CCSER2: variants seen among roughly 807,000 people sequenced by gnomAD.
CCSER2 encodes serine-rich coiled-coil domain-containing protein 2.
In CCSER2, 46 loss-of-function variants were observed where a neutral mutation model predicts 92.3. The ratio of observed to expected loss-of-function variants is 0.50; its 90% confidence interval spans 0.39 to 0.64. The LOEUF (loss-of-function observed/expected upper bound fraction) is 0.64, where lower values mean the gene tolerates loss of function less well. Ranked by LOEUF, CCSER2 falls within the 30% of genes least tolerant of loss-of-function variation. The probability of loss-of-function intolerance (pLI) is 0.00; values close to 1 mark genes in which losing one functional copy is unlikely to be tolerated. For synonymous variants in CCSER2, 433 were observed against 431.4 expected (o/e 1.00, Z -0.04); for missense variants, 1,244 against 1,238.9 (o/e 1.00, Z -0.06).
At chr10:84,428,963 GA>G (rs1469513808) in intron 5 of CCSER2, among the ~76,000 whole-genome samples, 1 of 109,218 alleles carries the variant, frequency 9.2e-6, no homozygotes, top group Non-Finnish European at 1.9e-5. Context: ...TTTTGTTGAA[GA>G]TTTTTTTTGT....
intron 3 of CCSER2, among the ~76,000 whole-genome samples, chr10:84,383,641 C>T (rs1182697304): frequency 6.6e-6 from 1 of 152,150 alleles, no homozygotes; most frequent in East Asian, 1.9e-4. Flanking sequence ...TGTGTATTCA[C>T]ATATACTATC....
rs993075760 is a variant in CCSER2 at position 84,517,146 on chromosome 10, A to G, written c.*2879A>G. 1 of 152,218 alleles carries G rather than the reference A, an allele frequency of 6.6e-6. No homozygotes were observed. The highest frequency in any genetic ancestry group is 1.9e-4 in the East Asian group (1 of 5,196). 9.4% of individuals were successfully genotyped at this position (152,218 alleles called of 1,614,324 possible). ...GTATCAATGAAGATAGTTACAGTAT[A>G]TGAATTCTAAGTCCTGAGGAAGAAA... is the stretch of plus-strand genomic sequence containing the variant. On this transcript the variant is annotated 3_prime_UTR_variant, in exon 10 of 10. Transcript: ENST00000372088.
intron 7 of CCSER2, among the ~76,000 whole-genome samples, chr10:84,468,188 T>G (rs1041648036): frequency 1.3e-5 from 2 of 152,220 alleles, no homozygotes; most frequent in Admixed American, 6.5e-5. Flanking sequence ...TTATATTGTA[T>G]GGCACTTAGA....
chr10:84,477,959 A>G (rs2133744880), intron 9 of CCSER2, among the ~76,000 whole-genome samples: 1 of 152,334 alleles, frequency 6.6e-6, no homozygotes, highest in East Asian at 1.9e-4. Flanking sequence ...GTAGTTCCAC[A>G]TGCCTTAAAG....
At chr10:84,443,146 TGGGATCTAATTAAACTAAAG>T (rs1022487359) in intron 6 of CCSER2, among the ~76,000 whole-genome samples, 5 of 151,780 alleles carry the variant, frequency 3.3e-5, no homozygotes, top group Non-Finnish European at 7.4e-5. Flanking sequence ...AATTGACAAA[TGGGATCTAATTAAACTAAAG>T]AACTTCTGCA....
intron 1 of CCSER2, among the ~76,000 whole-genome samples, chr10:84,357,202 A>G (rs1308874315): frequency 6.6e-6 from 1 of 151,566 alleles, no homozygotes. Context: ...ACCATGAAGA[A>G]TGTGTGAAGG....
At chr10:84,509,888 C>T (rs1301626458) in intron 9 of CCSER2, among the ~76,000 whole-genome samples, 1 of 152,168 alleles carries the variant, frequency 6.6e-6, no homozygotes, top group East Asian at 1.9e-4. Flanking sequence ...CCTCATCTTG[C>T]CTGTCCCCTT....
rs751107849 is a variant in CCSER2, at chr10:84,514,280, C to CA, written c.*14dup. The CA allele has an allele frequency of 6.7e-7, 1 of 1,498,914 alleles. No individual in the cohort carries two copies. Among genetic ancestry groups the CA allele is most frequent in the Non-Finnish European group, 8.9e-7 (1 of 1,118,174 alleles). The allele number at this position is 1,498,914 out of a possible 1,614,324, so 92.9% of individuals were successfully genotyped here. A position where few individuals can be genotyped will look rare whatever the true frequency, so the allele number is the denominator to read the frequency against. On this transcript the variant is annotated 3_prime_UTR_variant, in exon 10 of 10. Coordinates refer to ENST00000372088, the MANE Select transcript of CCSER2 (RefSeq NM_001284240.2). ...AAAGATACATTAAGTACATAGCCAT[C>CA]ACCTGCCAATTTGTTTCTTAAAAAC...
intron 3 of CCSER2, among the ~76,000 whole-genome samples, chr10:84,405,350 G>T (rs1441628852): frequency 6.6e-6 from 1 of 152,162 alleles, no homozygotes; most frequent in Admixed American, 6.5e-5. Context: ...TGGTGTAATT[G>T]TGAAGTGTAA....
intron 3 of CCSER2, among the ~76,000 whole-genome samples, chr10:84,413,603 A>G (rs997325256): frequency 6.6e-6 from 1 of 152,160 alleles, no homozygotes; most frequent in Non-Finnish European, 1.5e-5. Context: ...TGGCCATGAG[A>G]AGAAATGCAT....
At chr10:84,486,938 A>G (rs1460553809) in intron 9 of CCSER2, among the ~76,000 whole-genome samples, 3 of 152,162 alleles carry the variant, frequency 2.0e-5, no homozygotes, top group Admixed American at 2.0e-4. Flanking sequence ...TAAGGAAGGG[A>G]TCCAGTTTCA....
chr10:84,389,022 C>T (rs994432689), intron 3 of CCSER2: 4 of 249,770 alleles, frequency 1.6e-5, no homozygotes, highest in Admixed American at 5.5e-5. Context: ...AATAACCATT[C>T]GCATCATAAA....
intron 1 of CCSER2, among the ~76,000 whole-genome samples, chr10:84,337,475 G>A (rs946476712): frequency 1.2e-4 from 18 of 152,322 alleles, no homozygotes; most frequent in African/African-American, 4.3e-4. Flanking sequence ...TTCTGGTTTA[G>A]TGGTGGAAGT....
intron 6 of CCSER2, among the ~76,000 whole-genome samples, chr10:84,459,228 G>C (rs1386346773): frequency 6.6e-6 from 1 of 152,124 alleles, no homozygotes; most frequent in East Asian, 1.9e-4. Flanking sequence ...GGGTGTTCTT[G>C]AATTCCTGAC....
intron 1 of CCSER2, among the ~76,000 whole-genome samples, chr10:84,345,223 C>T (rs1239255386): frequency 1.3e-5 from 2 of 152,080 alleles, no homozygotes; most frequent in Admixed American, 6.6e-5. Flanking sequence ...GAGGACAGGA[C>T]GGGTTTGAGA....
rs755556458 is a variant in CCSER2 at position 84,513,569 on chromosome 10, G to A, written c.2446G>A (p.Gly816Ser). Residue 816 changes from glycine (G) to serine (S), a missense_variant, in exon 10 of 10, where the codon GGC becomes AGC. Physicochemically the swap from Gly to Ser is moderately conservative, Grantham distance 56 (BLOSUM62 0). Transcript: ENST00000372088. ...SECSIQDMHQ[G>S]GAHPEESFTH... ...ATGCTCAATCCAAGACATGCATCAG[G>A]GCGGTGCACATCCGGAAGAAAGCTT... is the stretch of plus-strand genomic sequence containing the variant. 6.2e-7 allele frequency: 1 copy of A among 1,613,926 alleles called. No homozygotes were observed. Among genetic ancestry groups the A allele is most frequent in the South Asian group, 1.1e-5 (1 of 91,070 alleles).
At chr10:84,343,460 G>A (rs1485907907) in intron 1 of CCSER2, among the ~76,000 whole-genome samples, 2 of 152,226 alleles carry the variant, frequency 1.3e-5, no homozygotes, top group Admixed American at 1.3e-4. Flanking sequence ...CTGGTCCTGG[G>A]TATTATACAA....
At chr10:84,504,691 G>C (rs1848952856) in intron 9 of CCSER2, among the ~76,000 whole-genome samples, 1 of 152,106 alleles carries the variant, frequency 6.6e-6, no homozygotes, top group African/African-American at 2.4e-5. Context: ...TTTTAAGAAA[G>C]GGGAAAAGAC....
rs146885202 is a variant in CCSER2, at chr10:84,356,227, G to C, written c.-39-14787G>C. On this transcript the variant is annotated intron_variant, in intron 1 of 9. Transcript: ENST00000372088. ...TCCTAAGCACAATGAGATATTTGATGGTTATTATAATTAATTCATAGAGGC... is the reference window on the plus strand; with the variant it reads ...TCCTAAGCACAATGAGATATTTGATCGTTATTATAATTAATTCATAGAGGC... Among the ~76,000 whole-genome samples the C allele has an allele frequency of 2.5e-3, 379 of 152,064 alleles. 1 individual carries two copies. Among genetic ancestry groups the C allele is most frequent in the African/African-American group, 8.4e-3 (348 of 41,458 alleles).
Sources: allele counts gnomAD v4.1 joint callset (sites outside exome capture counted in the v4.1 genomes callset), GRCh38; gene constraint gnomAD v4.1.1; transcripts MANE v1.5; gene names NCBI Gene and HGNC (gene_info 2026-07-23, HGNC 2026-07-21).